Variants in DMD observed in about 807,000 individuals in gnomAD.
DMD encodes dystrophin.
Under a neutral mutation model 330.1 loss-of-function variants are expected in DMD, and 63 were observed. The observed-to-expected ratio is 0.19, with a 90% confidence interval of 0.16 to 0.24. The LOEUF is 0.24. Ranked by LOEUF, DMD falls within the 10% of genes least tolerant of loss-of-function variation. The probability of loss-of-function intolerance (pLI) is 1.00; values close to 1 mark genes in which losing one functional copy is unlikely to be tolerated. For missense variants in DMD, 3,344 were observed against 2,684.1 expected (o/e 1.25, Z -5.43); for synonymous variants, 1,223 against 959.8 (o/e 1.27, Z -5.07).
intron 44 of DMD, among the ~76,000 whole-genome samples, chrX:32,189,401 A>G (rs1344180967): frequency 9.1e-6 from 1 of 110,072 alleles, no homozygotes; most frequent in Non-Finnish European, 1.9e-5. Flanking sequence ...TGTTTTGCAA[A>G]CTTTGTATTT....
chrX:33,267,201 T>C (rs1456077298), intron 1 of DMD, among the ~76,000 whole-genome samples: 2 of 111,103 alleles, frequency 1.8e-5, no homozygotes, highest in African/African-American at 6.5e-5. Context: ...TAAAAATTAA[T>C]AGCATTTCTA....
chrX:33,033,446 C>G (rs1206324525), intron 1 of DMD, among the ~76,000 whole-genome samples: 1 of 107,730 alleles, frequency 9.3e-6, no homozygotes, highest in Non-Finnish European at 1.9e-5. Flanking sequence ...CGCGGTGGCT[C>G]ACGCCTGTAA....
intron 9 of DMD, among the ~76,000 whole-genome samples, chrX:32,673,347 T>C (rs930245675): frequency 1.8e-5 from 2 of 111,545 alleles, no homozygotes; most frequent in Non-Finnish European, 3.8e-5. Context: ...TTAGGAGATT[T>C]GATAGAAACA....
chrX:32,482,241 C>T (rs1162165889), intron 21 of DMD, among the ~76,000 whole-genome samples: 1 of 111,427 alleles, frequency 9.0e-6, no homozygotes, highest in Admixed American at 9.6e-5. Context: ...TAGCATATAA[C>T]ATGAGTTTAC....
chrX:32,170,054 T>G (rs1282322256), intron 44 of DMD, among the ~76,000 whole-genome samples: 1 of 111,727 alleles, frequency 9.0e-6, no homozygotes, highest in Non-Finnish European at 1.9e-5. Flanking sequence ...TTAGCAAAGA[T>G]CTTCTCTTTT....
intron 59 of DMD, among the ~76,000 whole-genome samples, chrX:31,455,136 T>C (rs1055737611): frequency 3.7e-5 from 4 of 108,177 alleles, no homozygotes; most frequent in African/African-American, 1.3e-4. Context: ...TCCCTCTGCT[T>C]GGAGTTTTAT....
At chrX:32,654,252 GT>G (rs917545191) in intron 9 of DMD, among the ~76,000 whole-genome samples, 1 of 111,627 alleles carries the variant, frequency 9.0e-6, no homozygotes. Flanking sequence ...AATGCTTCCA[GT>G]TTTTGCCCAT....
intron 44 of DMD, among the ~76,000 whole-genome samples, chrX:32,114,123 A>G (rs1351552221): frequency 8.9e-6 from 1 of 112,298 alleles, no homozygotes; most frequent in Non-Finnish European, 1.9e-5. Context: ...TTCTCACAGA[A>G]TAAGAATTAC....
intron 55 of DMD, among the ~76,000 whole-genome samples, chrX:31,562,321 T>C (rs913317616): frequency 5.3e-5 from 6 of 112,329 alleles, no homozygotes; most frequent in Non-Finnish European, 7.5e-5. Flanking sequence ...TTCTGTAGTA[T>C]TGATTCTCAG....
intron 2 of DMD, among the ~76,000 whole-genome samples, chrX:32,854,248 C>T (rs1306011377): frequency 2.7e-5 from 3 of 111,344 alleles, no homozygotes; most frequent in African/African-American, 9.8e-5. Flanking sequence ...GTGTACATTC[C>T]TCTCATCACC....
chrX:31,343,620 A>AGT (rs2057899690), intron 61 of DMD, among the ~76,000 whole-genome samples: 1 of 69,172 alleles, frequency 1.4e-5, no homozygotes. Context: ...TGTGTGTGTG[A>AGT]GAGAGAGAGA....
intron 61 of DMD, among the ~76,000 whole-genome samples, chrX:31,336,417 C>A (rs1245257591): frequency 8.9e-6 from 1 of 112,085 alleles, no homozygotes; most frequent in Admixed American, 9.5e-5. Context: ...GTGATCCCAC[C>A]ATTTCTGTTG....
intron 74 of DMD, among the ~76,000 whole-genome samples, chrX:31,149,174 T>C (rs747564484): frequency 4.5e-5 from 5 of 112,198 alleles, no homozygotes; most frequent in African/African-American, 1.6e-4. Flanking sequence ...ATTTTACTTT[T>C]CCCCCATGGA....
At chrX:33,213,837 A>G (rs1217192241), upstream of DMD, among the ~76,000 whole-genome samples, 1 of 110,830 alleles carries the variant, frequency 9.0e-6, no homozygotes, top group Admixed American at 9.7e-5. Context: ...CTATTTCATC[A>G]CTGATTTGTG....
At chrX:31,349,086 A>G (rs2058253106) in intron 60 of DMD, among the ~76,000 whole-genome samples, 1 of 112,524 alleles carries the variant, frequency 8.9e-6, no homozygotes, top group South Asian at 3.6e-4. Context: ...TGATTAATAG[A>G]TAATAAATCA....
At chrX:32,649,083 G>A (rs1569387439) in intron 9 of DMD, among the ~76,000 whole-genome samples, 1 of 109,445 alleles carries the variant, frequency 9.1e-6, no homozygotes, top group Non-Finnish European at 1.9e-5. Context: ...ACGATGAGAG[G>A]CATGACAGTG....
chrX:31,720,697 A>G (rs2085402929), intron 52 of DMD, among the ~76,000 whole-genome samples: 1 of 111,688 alleles, frequency 9.0e-6, no homozygotes, highest in African/African-American at 3.2e-5. Context: ...AGGTGGATGA[A>G]TAAAACATTT....
intron 13 of DMD, among the ~76,000 whole-genome samples, chrX:32,581,810 GAATCA>G (rs1304720829): frequency 1.8e-5 from 2 of 111,522 alleles, no homozygotes; most frequent in African/African-American, 6.5e-5. Context: ...GAAAAACTAT[GAATCA>G]AAGAAAATCT....
intron 1 of DMD, among the ~76,000 whole-genome samples, chrX:33,121,197 T>C (rs2095422341): frequency 9.0e-6 from 1 of 110,533 alleles, no homozygotes; most frequent in Non-Finnish European, 1.9e-5. Flanking sequence ...CCAGCGTCTG[T>C]TGAATTTTTA....
Sources: gnomAD v4.1 joint callset for allele counts (sites outside exome capture counted in the v4.1 genomes callset) on GRCh38, gnomAD v4.1.1 for gene constraint, MANE v1.5 for transcripts, NCBI Gene and HGNC (gene_info 2026-07-23, HGNC 2026-07-21) for gene names.